Variants in FAM227B observed in about 807,000 individuals in gnomAD.
The protein encoded by FAM227B is protein FAM227B.
FAM227B carries 88 observed loss-of-function variants against 73.8 expected under a neutral mutation model. That is an observed-to-expected ratio of 1.19 (90% CI 1.00 to 1.42). FAM227B has a LOEUF of 1.42. Ranked by LOEUF, FAM227B falls within the 40% of genes most tolerant of loss-of-function variation. FAM227B has a pLI of 0.00. For synonymous variants in FAM227B, 210 were observed against 190.5 expected (o/e 1.10, Z -0.84); for missense variants, 632 against 590.9 (o/e 1.07, Z -0.72).
intron 9 of FAM227B, among the ~76,000 whole-genome samples, chr15:49,562,736 AT>A (rs962932255): frequency 6.6e-6 from 1 of 152,092 alleles, no homozygotes; most frequent in Non-Finnish European, 1.5e-5. Flanking sequence ...CATAAATATA[AT>A]TTTTTTAAAA....
Position 49,465,720 on chromosome 15 carries a change from TTTAA to T in FAM227B, c.1012+42487_1012+42490del, listed in dbSNP as rs534607494. Among the ~76,000 whole-genome samples the T allele has an allele frequency of 1.8e-4, 27 of 152,306 alleles. 1 individual carries two copies. Among genetic ancestry groups the T allele is most frequent in the Middle Eastern group, 3.4e-3 (1 of 294 alleles). ...AATTAACCAAGGAATTTTGTGCTTA[TTTAA>T]TTAAACTCCAAAATGTAATGAAAAT... On this transcript the variant is annotated intron_variant, in intron 11 of 15. Transcript: ENST00000299338.
chr15:49,471,759 A>C (rs1028841015), intron 11 of FAM227B, among the ~76,000 whole-genome samples: 13 of 152,098 alleles, frequency 8.5e-5, no homozygotes, highest in Non-Finnish European at 1.5e-4. Context: ...TTTCTTGGCT[A>C]GGAAGCAGCT....
intron 11 of FAM227B, among the ~76,000 whole-genome samples, chr15:49,452,176 G>A (rs1411696081): frequency 1.3e-5 from 2 of 151,944 alleles, no homozygotes; most frequent in Non-Finnish European, 2.9e-5. Flanking sequence ...TGAGTATCTG[G>A]CACTACAGGT....
chr15:49,342,702 A>T (rs767140140), intron 13 of FAM227B, among the ~76,000 whole-genome samples: 10 of 152,144 alleles, frequency 6.6e-5, no homozygotes, highest in Non-Finnish European at 1.3e-4. Flanking sequence ...TCCCTTAAAG[A>T]TCTCTTATGA....
chr15:49,452,742 A>G (rs1226834872), intron 11 of FAM227B, among the ~76,000 whole-genome samples: 34 of 152,170 alleles, frequency 2.2e-4, no homozygotes, highest in Non-Finnish European at 5.9e-5. Flanking sequence ...CTGAGATAGT[A>G]TCTAATCTAT....
chr15:49,576,741 A>G lies in FAM227B; in HGVS notation c.546T>C (p.Asp182=). The change falls in exon 7 of 16, where the codon GAT becomes GAC. Residue 182 remains aspartate, a splice_region_variant and synonymous_variant. Coordinates refer to ENST00000299338, the MANE Select transcript of FAM227B (RefSeq NM_152647.3). ...ACAATAAAATGAAATATTTACATAC[A>G]TCAAAATTATGGGCTTTTAAAATAA... ...YLFILKAHNF[D]ERVFKIWKTH... The G allele has an allele frequency of 6.6e-7, 1 of 1,513,358 alleles. No homozygotes were observed. Among genetic ancestry groups the G allele is most frequent in the South Asian group, 1.1e-5 (1 of 88,540 alleles). 93.7% of individuals were successfully genotyped at this position (1,513,358 alleles called of 1,614,324 possible).
intron 10 of FAM227B, among the ~76,000 whole-genome samples, chr15:49,535,781 C>T (rs959625190): frequency 2.0e-5 from 3 of 151,782 alleles, no homozygotes; most frequent in African/African-American, 4.8e-5. Context: ...ATCAGTGTGA[C>T]ACATCATACC....
At chr15:49,613,555 C>T (rs931631603) in intron 2 of FAM227B, among the ~76,000 whole-genome samples, 6 of 151,936 alleles carry the variant, frequency 3.9e-5, no homozygotes, top group South Asian at 2.1e-4. Flanking sequence ...ATCTAATATT[C>T]GATAGCACAA....
intron 1 of FAM227B, among the ~76,000 whole-genome samples, chr15:49,617,733 G>A (rs915488224): frequency 1.3e-5 from 2 of 151,952 alleles, no homozygotes; most frequent in Admixed American, 6.6e-5. Context: ...TCTAGAGGTC[G>A]GGAATCTGAA....
intron 15 of FAM227B, chr15:49,329,519 G>A (rs892641539): frequency 1.8e-5 from 18 of 985,156 alleles, no homozygotes; most frequent in East Asian, 1.1e-4. Flanking sequence ...GGAGGCCTGC[G>A]CAAAGCTAGT....
At chr15:49,363,540 T>A (rs1348007711) in intron 13 of FAM227B, among the ~76,000 whole-genome samples, 1 of 152,196 alleles carries the variant, frequency 6.6e-6, no homozygotes, top group Non-Finnish European at 1.5e-5. Context: ...CGATTGGTTT[T>A]GCTACATATA....
chr15:49,567,129 A>C (rs1469935120), intron 9 of FAM227B, among the ~76,000 whole-genome samples: 1 of 152,168 alleles, frequency 6.6e-6, no homozygotes, highest in East Asian at 1.9e-4. Flanking sequence ...AAAGCCATAG[A>C]AGAATAGGCT....
chr15:49,583,316 G>A (rs968659974), intron 5 of FAM227B, among the ~76,000 whole-genome samples: 2 of 151,822 alleles, frequency 1.3e-5, no homozygotes, highest in Non-Finnish European at 2.9e-5. Context: ...CAGCACAAAA[G>A]TTTACAGATC....
chr15:49,366,603 C>T (rs929635240), intron 13 of FAM227B: 1 of 1,600,702 alleles, frequency 6.2e-7, no homozygotes, highest in Non-Finnish European at 8.6e-7. Context: ...TGCAAGATTG[C>T]TTCCTGAGCG....
At chr15:49,601,578 A>C (rs1015341837) in intron 3 of FAM227B, among the ~76,000 whole-genome samples, 1 of 152,194 alleles carries the variant, frequency 6.6e-6, no homozygotes, top group Non-Finnish European at 1.5e-5. Flanking sequence ...GCAATGCATA[A>C]TAATCACGTC....
At position 49,458,448 on chromosome 15, in the gene FAM227B, T is replaced by G. The variant is rs761369390; in HGVS notation, c.1012+49763A>C. On this transcript the variant is annotated intron_variant, in intron 11 of 15. Transcript: ENST00000299338. ...TCTCATTTAAAGGTTTTGGTTTTAT[T>G]TGGATTATTTTTCATCCAAGATTTT... Among the ~76,000 whole-genome samples the G allele has an allele frequency of 2.2e-4, 34 of 152,236 alleles. 1 individual carries two copies. Among genetic ancestry groups the G allele is most frequent in the Middle Eastern group, 6.8e-3 (2 of 294 alleles).
At chr15:49,389,556 G>T (rs911553349) in intron 11 of FAM227B, among the ~76,000 whole-genome samples, 5 of 151,480 alleles carry the variant, frequency 3.3e-5, no homozygotes, top group African/African-American at 1.2e-4. Flanking sequence ...TGGGTGATGG[G>T]TGCACTAAAA....
intron 11 of FAM227B, among the ~76,000 whole-genome samples, chr15:49,406,980 G>A (rs2048558369): frequency 6.6e-6 from 1 of 152,080 alleles, no homozygotes; most frequent in Non-Finnish European, 1.5e-5. Context: ...TGGAGGCCCA[G>A]GAGAAGCCAG....
In FAM227B at chr15:49,577,877, T is replaced by C. The variant is rs946297200; in HGVS notation, c.406-213A>G. On this transcript the variant is annotated intron_variant, in intron 5 of 15. Transcript: ENST00000299338. Reference sequence around the variant, plus strand: ...GTTATGGTTCAAAAACGGAATCAGATACATATACAAACAAAACAAATAGAT... The same window carrying C: ...GTTATGGTTCAAAAACGGAATCAGACACATATACAAACAAAACAAATAGAT... Among the ~76,000 whole-genome samples, 6 of 152,210 alleles carry C rather than the reference T, an allele frequency of 3.9e-5. No individual in the cohort carries two copies. In the South Asian group the frequency reaches 1.0e-3, roughly 26 times the overall value.
Sources: allele counts gnomAD v4.1 joint callset (sites outside exome capture counted in the v4.1 genomes callset), GRCh38; gene constraint gnomAD v4.1.1; transcripts MANE v1.5; gene names NCBI Gene and HGNC (gene_info 2026-07-23, HGNC 2026-07-21).